Variants in LUC7L3 observed in about 807,000 individuals in gnomAD.
LUC7L3 encodes the protein luc7-like protein 3.
In LUC7L3, 6 loss-of-function variants were observed where a neutral mutation model predicts 66.8. The observed-to-expected ratio is 0.09, with a 90% CI of 0.05 to 0.18. The LOEUF is 0.18. Ranked by LOEUF, LUC7L3 falls within the 10% of genes least tolerant of loss-of-function variation. The probability of loss-of-function intolerance (pLI) is 1.00; values close to 1 mark genes in which losing one functional copy is unlikely to be tolerated. For missense variants in LUC7L3, 341 were observed against 531.1 expected, an observed-to-expected ratio of 0.64 and a Z score of 3.52; for synonymous variants, 160 against 174.7, an observed-to-expected ratio of 0.92 and a Z score of 0.66.
intron 9 of LUC7L3, among the ~76,000 whole-genome samples, chr17:50,748,139 G>A (rs1358386864): frequency 6.6e-6 from 1 of 152,132 alleles, no homozygotes; most frequent in Non-Finnish European, 1.5e-5. Context: ...TGTTGGGTTG[G>A]TTCTTAGGGA....
At chr17:50,726,283 T>C (rs1413093441) in intron 1 of LUC7L3, among the ~76,000 whole-genome samples, 1 of 152,190 alleles carries the variant, frequency 6.6e-6, no homozygotes, top group Non-Finnish European at 1.5e-5. Context: ...GCAGTTCTCA[T>C]ACCTCAGCCT....
At chr17:50,745,256 T>C (rs750924158) in intron 7 of LUC7L3, among the ~76,000 whole-genome samples, 15 of 152,138 alleles carry the variant, frequency 9.9e-5, no homozygotes, top group Non-Finnish European at 1.5e-5. Context: ...CCTCCCAAAG[T>C]GCTGAGCCAC....
chr17:50,734,176 T>C (rs1259562763), intron 1 of LUC7L3, among the ~76,000 whole-genome samples: 1 of 152,036 alleles, frequency 6.6e-6, no homozygotes, highest in Admixed American at 6.6e-5. Flanking sequence ...AAACTTTTTT[T>C]TTTTTTTTGA....
chr17:50,726,260 T>C (rs1324342041), intron 1 of LUC7L3, among the ~76,000 whole-genome samples: 1 of 152,110 alleles, frequency 6.6e-6, no homozygotes, highest in Admixed American at 6.6e-5. Flanking sequence ...CAACCTCTGC[T>C]TCCCAGGTTC....
chr17:50,744,076 A>G (rs912699892), intron 6 of LUC7L3, among the ~76,000 whole-genome samples: 3 of 152,380 alleles, frequency 2.0e-5, no homozygotes, highest in East Asian at 1.9e-4. Flanking sequence ...GCCTTAAACC[A>G]TAAATTTTCA....
In LUC7L3 at chr17:50,753,504, G is replaced by A. The variant is rs1461404768; in HGVS notation, c.*2843G>A. 6.6e-6 allele frequency: 1 copy of A among 152,216 alleles called. No homozygotes were observed. The highest frequency in any genetic ancestry group is 1.5e-5 in the Non-Finnish European group (1 of 68,024). The allele number at this position is 152,216 out of a possible 1,614,324, so 9.4% of individuals were successfully genotyped here. On this transcript the variant is annotated 3_prime_UTR_variant, in exon 10 of 10. Transcript: ENST00000505658. ...CGCCCCCACTTTAGAGGCTCTGTAT[G>A]AAAAAATGCTGTGGAGACAGAGCCC...
intron 1 of LUC7L3, among the ~76,000 whole-genome samples, chr17:50,725,044 C>T (rs1205286174): frequency 6.6e-6 from 1 of 152,136 alleles, no homozygotes; most frequent in Non-Finnish European, 1.5e-5. Context: ...AGGGGTGAGC[C>T]ACCATGCCCA....
chr17:50,725,141 G>A (rs1266453030), intron 1 of LUC7L3, among the ~76,000 whole-genome samples: 1 of 148,328 alleles, frequency 6.7e-6, no homozygotes, highest in African/African-American at 2.6e-5. Flanking sequence ...TGGGAGCGGT[G>A]GCTCACGCCT....
At chr17:50,745,266 C>T (rs2146767560) in intron 7 of LUC7L3, among the ~76,000 whole-genome samples, 1 of 152,216 alleles carries the variant, frequency 6.6e-6, no homozygotes, top group Non-Finnish European at 1.5e-5. Context: ...TGCTGAGCCA[C>T]TGCGCTCGGC....
intron 1 of LUC7L3, among the ~76,000 whole-genome samples, chr17:50,729,398 T>C (rs111760160): frequency 3.9e-5 from 6 of 152,364 alleles, no homozygotes; most frequent in African/African-American, 1.4e-4. Flanking sequence ...GATTATCATA[T>C]GCTTTACAGA....
At chr17:50,743,682 G>GT in intron 5 of LUC7L3, 24 bp from the exon 6 acceptor site, 6 of 1,446,192 alleles carry the variant, frequency 4.1e-6, no homozygotes, top group Non-Finnish European at 2.9e-6. Flanking sequence ...AATCTTAACT[G>GT]TTTTTTTCCC....
chr17:50,747,362 G>A (rs574923853), intron 9 of LUC7L3, among the ~76,000 whole-genome samples: 1 of 151,052 alleles, frequency 6.6e-6, no homozygotes, highest in Non-Finnish European at 1.5e-5. Flanking sequence ...TTTATTGGAA[G>A]ATAATTCTGT....
intron 6 of LUC7L3, 90 bp from the exon 7 acceptor site, chr17:50,744,562 C>A: frequency 8.4e-7 from 1 of 1,186,402 alleles, no homozygotes; most frequent in Non-Finnish European, 1.2e-6. Context: ...AATTCACACA[C>A]ATTAGAAATC....
Position 50,753,031 on chromosome 17 carries a change from G to A in LUC7L3, c.*2370G>A, listed in dbSNP as rs1186307509. ...CAAGAGCTAGTTTTTGTTAAGTCCT[G>A]TATCAAGATTAACCCAGCTGTGTCA... On this transcript the variant is annotated 3_prime_UTR_variant, in exon 10 of 10. Coordinates refer to ENST00000505658, the MANE Select transcript of LUC7L3 (RefSeq NM_016424.5). 1 of 152,130 alleles carries A rather than the reference G, an allele frequency of 6.6e-6. No homozygotes were observed. The highest frequency in any genetic ancestry group is 2.4e-5 in the African/African-American group (1 of 41,420). 9.4% of individuals were successfully genotyped at this position (152,130 alleles called of 1,614,324 possible).
rs1971059607 is a variant in LUC7L3 at position 50,753,764 on chromosome 17, AG to A, written c.*3105del. 6.6e-6 allele frequency: 1 copy of A among 152,202 alleles called. No homozygotes were observed. The highest frequency in any genetic ancestry group is 1.5e-5 in the Non-Finnish European group (1 of 68,026). 9.4% of individuals were successfully genotyped at this position (152,202 alleles called of 1,614,324 possible). ...TCTGTCCCTAAGTAATAAAAAATCT[AG>A]GAAGTTACTAAAATACCAGATTTGT... is the stretch of plus-strand genomic sequence containing the variant. On this transcript the variant is annotated 3_prime_UTR_variant, in exon 10 of 10. Coordinates refer to ENST00000505658, the MANE Select transcript of LUC7L3 (RefSeq NM_016424.5).
rs1971010796 is a variant in LUC7L3 at position 50,752,267 on chromosome 17, A to G, written c.*1606A>G. 4 of 1,262,316 alleles carry G rather than the reference A, an allele frequency of 3.2e-6. No homozygotes were observed. Among genetic ancestry groups the G allele is most frequent in the Non-Finnish European group, 4.1e-6 (4 of 968,556 alleles). 78.2% of individuals were successfully genotyped at this position (1,262,316 alleles called of 1,614,324 possible). A position where few individuals can be genotyped will look rare whatever the true frequency, so the allele number is the denominator to read the frequency against. The stretch of plus-strand genomic sequence containing the variant: ...TAAAGTGAAGATCGACATTTAAAAA[A>G]TGAGGTGAAAGAAAGCTATAGTGGC... On this transcript the variant is annotated 3_prime_UTR_variant, in exon 10 of 10. Coordinates refer to ENST00000505658, the MANE Select transcript of LUC7L3 (RefSeq NM_016424.5).
intron 5 of LUC7L3, 92 bp downstream of exon 5, chr17:50,741,823 G>A (rs1047880241): frequency 4.1e-6 from 4 of 984,302 alleles, no homozygotes; most frequent in Non-Finnish European, 6.4e-6. Context: ...GGTAACTCAT[G>A]TGTATAATCC....
At chr17:50,723,177 T>G (rs575230701) in intron 1 of LUC7L3, 1 of 152,346 alleles carries the variant, frequency 6.6e-6, no homozygotes, top group South Asian at 2.1e-4. Flanking sequence ...GTAGTTCAAA[T>G]TGAGGTTTTT....
intron 9 of LUC7L3, chr17:50,749,493 C>A: frequency 1.6e-6 from 1 of 635,296 alleles, no homozygotes; most frequent in Non-Finnish European, 2.2e-6. Context: ...ATCTTCAGTT[C>A]TCTGAGTGGG....
Sources: allele counts gnomAD v4.1 joint callset (sites outside exome capture counted in the v4.1 genomes callset), GRCh38; gene constraint gnomAD v4.1.1; transcripts MANE v1.5; gene names NCBI Gene and HGNC (gene_info 2026-07-23, HGNC 2026-07-21).